Variants in LINGO2 observed in about 807,000 individuals in gnomAD.
The protein encoded by LINGO2 is leucine-rich repeat and immunoglobulin-like domain-containing nogo receptor-interacting protein 2.
A neutral mutation model predicts 30.6 loss-of-function variants in LINGO2; 14 were observed. The ratio of observed to expected loss-of-function variants is 0.46; its 90% confidence interval spans 0.30 to 0.72. The LOEUF (loss-of-function observed/expected upper bound fraction) is 0.72. Ranked by LOEUF, LINGO2 falls within the 30% of genes least tolerant of loss-of-function variation. The pLI, the probability that LINGO2 is intolerant of heterozygous loss-of-function variation, is 0.07. For missense variants in LINGO2, 729 were observed against 751.7 expected (o/e 0.97, Z 0.35); for synonymous variants, 317 against 288.5 (o/e 1.10, Z -1.00).
chr9:28,502,519 T>C (rs989121046), intron 1 of LINGO2, among the ~76,000 whole-genome samples: 1 of 152,110 alleles, frequency 6.6e-6, no homozygotes, highest in Admixed American at 6.6e-5. Context: ...AATGAAAATT[T>C]ATTTTACACA....
At chr9:28,639,887 C>T (rs1222347939) in intron 1 of LINGO2, among the ~76,000 whole-genome samples, 1 of 152,012 alleles carries the variant, frequency 6.6e-6, no homozygotes, top group Non-Finnish European at 1.5e-5. Flanking sequence ...TTATTTTGCT[C>T]GTTAGTTGAT....
intron 4 of LINGO2, among the ~76,000 whole-genome samples, chr9:28,230,042 C>A (rs1821303526): frequency 6.6e-6 from 1 of 151,426 alleles, no homozygotes; most frequent in South Asian, 2.1e-4. Context: ...AAAAGAAAAC[C>A]AAAACTCAAA....
the LINGO2 span, among the ~76,000 whole-genome samples, chr9:29,187,232 C>A: frequency 1.3e-5 from 2 of 152,154 alleles, no homozygotes; most frequent in South Asian, 4.1e-4. Context: ...CTAATTACAT[C>A]TTTAAAAATG....
chr9:28,470,925 G>T (rs1005598103), intron 2 of LINGO2, among the ~76,000 whole-genome samples: 2 of 147,570 alleles, frequency 1.4e-5, no homozygotes, highest in African/African-American at 4.9e-5. Flanking sequence ...TAAAATATAA[G>T]TAATATATAA....
At chr9:28,429,065 A>G (rs116600610) in intron 2 of LINGO2, among the ~76,000 whole-genome samples, 23 of 152,310 alleles carry the variant, frequency 1.5e-4, no homozygotes, top group African/African-American at 4.8e-4. Flanking sequence ...TGACAATTGT[A>G]TCATAGCAGT....
chr9:28,489,366 C>T (rs1224336718), intron 1 of LINGO2, among the ~76,000 whole-genome samples: 8 of 152,058 alleles, frequency 5.3e-5, no homozygotes, highest in African/African-American at 9.7e-5. Context: ...TACAGGGTTT[C>T]GCCATGTTGG....
At chr9:29,020,561 G>C in the LINGO2 span, among the ~76,000 whole-genome samples, 8 of 120,110 alleles carry the variant, frequency 6.7e-5, no homozygotes, top group Middle Eastern at 0.026. Context: ...CTAAAAGCTT[G>C]GGAAAGGGAG....
chr9:28,929,955 T>A, the LINGO2 span, among the ~76,000 whole-genome samples: 1 of 152,182 alleles, frequency 6.6e-6, no homozygotes, highest in Non-Finnish European at 1.5e-5. Flanking sequence ...TTTTAATTTG[T>A]TATTCTAAAT....
intron 1 of LINGO2, among the ~76,000 whole-genome samples, chr9:28,638,815 T>C (rs967398162): frequency 2.6e-5 from 4 of 152,088 alleles, no homozygotes; most frequent in African/African-American, 7.2e-5. Flanking sequence ...GTATCTCTAT[T>C]TCCTTCAGTT....
intron 4 of LINGO2, among the ~76,000 whole-genome samples, chr9:28,231,208 A>G (rs1821343539): frequency 1.3e-5 from 2 of 151,998 alleles, no homozygotes; most frequent in South Asian, 4.1e-4. Flanking sequence ...TGGTAAAGAT[A>G]GGTAAGGATA....
intron 4 of LINGO2, among the ~76,000 whole-genome samples, chr9:28,109,432 A>G (rs1302126005): frequency 7.9e-5 from 12 of 152,094 alleles, no homozygotes. Context: ...GGGTATTCAA[A>G]TAGGAAGAGG....
chr9:28,610,279 G>A (rs1027440513), intron 1 of LINGO2, among the ~76,000 whole-genome samples: 1 of 152,132 alleles, frequency 6.6e-6, no homozygotes, highest in African/African-American at 2.4e-5. Flanking sequence ...CAGGAAAATT[G>A]TTTTTATCAG....
At chr9:29,211,948 G>A in the LINGO2 span, among the ~76,000 whole-genome samples, 5 of 152,200 alleles carry the variant, frequency 3.3e-5, no homozygotes, top group South Asian at 1.0e-3. Context: ...GCACCACGGA[G>A]CAACACTGAA....
chr9:28,154,113 A>G (rs761002699), intron 4 of LINGO2, among the ~76,000 whole-genome samples: 1 of 152,192 alleles, frequency 6.6e-6, no homozygotes, highest in Non-Finnish European at 1.5e-5. Flanking sequence ...CCCATAAAGC[A>G]GGTGCCTCTA....
At chr9:29,087,855 T>G in the LINGO2 span, among the ~76,000 whole-genome samples, 2 of 152,140 alleles carry the variant, frequency 1.3e-5, no homozygotes, top group East Asian at 3.9e-4. Flanking sequence ...CTGGGAATAT[T>G]CTTTAACTTT....
intron 4 of LINGO2, among the ~76,000 whole-genome samples, chr9:28,102,933 T>G (rs1024655730): frequency 2.0e-5 from 3 of 152,086 alleles, no homozygotes; most frequent in African/African-American, 7.2e-5. Flanking sequence ...TATTTCAGAG[T>G]GATTATTCTG....
At chr9:28,898,884 A>G in the LINGO2 span, among the ~76,000 whole-genome samples, 1 of 152,134 alleles carries the variant, frequency 6.6e-6, no homozygotes, top group African/African-American at 2.4e-5. Flanking sequence ...GAGTTTACCT[A>G]TATATAACAA....
At position 28,036,891 on chromosome 9, in the gene LINGO2, G is replaced by T. The variant is rs550176564; in HGVS notation, c.-86-24486C>A. On this transcript the variant is annotated intron_variant, in intron 4 of 5. Transcript: ENST00000379992. ...ATGACTAGCTCAGCCTCAACAAAAG[G>T]TCTGAAAGTAAAATTGGACTGGAAA... 2.0e-5 allele frequency among the ~76,000 whole-genome samples: 3 copies of T among 152,268 alleles called. No individual in the cohort carries two copies. The South Asian group carries it at 6.2e-4, about 32-fold the overall frequency.
chr9:29,143,176 G>A, the LINGO2 span, among the ~76,000 whole-genome samples: 1 of 152,038 alleles, frequency 6.6e-6, no homozygotes, highest in Non-Finnish European at 1.5e-5. Context: ...TTTTCATGGT[G>A]TGCCACAAAT....
Sources: allele counts gnomAD v4.1 joint callset (sites outside exome capture counted in the v4.1 genomes callset), GRCh38; gene constraint gnomAD v4.1.1; transcripts MANE v1.5; gene names NCBI Gene and HGNC (gene_info 2026-07-23, HGNC 2026-07-21).